Variants in TUBA4B observed in about 807,000 individuals in gnomAD.
TUBA4B encodes the protein tubulin alpha 4b, also known as tubulin-like protein alpha-4B.
A neutral mutation model predicts 18.4 loss-of-function variants in TUBA4B; 13 were observed. The ratio of observed to expected loss-of-function variants is 0.71; its 90% CI spans 0.46 to 1.12. The LOEUF is 1.12. Ranked by LOEUF, TUBA4B falls within the 50% of genes most tolerant of loss-of-function variation. TUBA4B has a pLI of 0.00. For missense variants in TUBA4B, 244 were observed against 250.0 expected, an observed-to-expected ratio of 0.98 and a Z score of 0.16; for synonymous variants, 101 against 99.1, an observed-to-expected ratio of 1.02 and a Z score of -0.11.
intron 1 of TUBA4B, among the ~76,000 whole-genome samples, chr2:219,264,245 A>C (rs1275363726): frequency 6.6e-6 from 1 of 152,212 alleles, no homozygotes; most frequent in Non-Finnish European, 1.5e-5. Flanking sequence ...AGATCACTTG[A>C]GGTCAGGAGT....
rs547160918 is a variant in TUBA4B, at chr2:219,271,292, G to T, written c.319G>T (p.Gly107Ter). 3.0e-5 allele frequency: 47 copies of T among 1,552,124 alleles called. No individual in the cohort carries two copies. The East Asian group carries it at 1.1e-3, about 35-fold the overall frequency. The change falls in exon 4 of 4, where the codon GGA (glycine) becomes TGA (stop). Residue 107 changes from glycine to a stop codon, truncating the protein, a stop_gained. Coordinates refer to ENST00000490341, the MANE Select transcript of TUBA4B (RefSeq NM_001355221.1). LOFTEE classifies it high-confidence loss of function. ...SVNYGKKSKL[G>*]FSIYPAPQVS... ...TAACTATGGCAAGAAATCCAAGCTG[G>T]GATTCTCCATCTACCCAGCCCCCCA...
At chr2:219,268,270 T>C (rs1406114122) in intron 2 of TUBA4B, among the ~76,000 whole-genome samples, 1 of 152,024 alleles carries the variant, frequency 6.6e-6, no homozygotes, top group Non-Finnish European at 1.5e-5. Context: ...CATTTTTGTA[T>C]TTTTAGTGGA....
intron 1 of TUBA4B, among the ~76,000 whole-genome samples, chr2:219,259,537 A>G (rs1480391454): frequency 6.6e-6 from 1 of 152,174 alleles, no homozygotes; most frequent in Non-Finnish European, 1.5e-5. Context: ...TACAGAATCT[A>G]GAAAATGCTA....
Position 219,271,268 on chromosome 2 carries a change from A to G in TUBA4B, c.295A>G (p.Asn99Asp), listed in dbSNP as rs766273254. 6.2e-6 allele frequency: 9 copies of G among 1,460,626 alleles called. No individual in the cohort carries two copies. Among genetic ancestry groups the G allele is most frequent in the African/African-American group, 1.4e-5 (1 of 71,768 alleles). The allele number at this position is 1,460,626 out of a possible 1,614,324, so 90.5% of individuals were successfully genotyped here. The part of the protein sequence containing the change: ...TSFLMEWLSV[N>D]YGKKSKLGFS... ...ATTCCTGATGGAGTGGCTTTCTGTT[A>G]ACTATGGCAAGAAATCCAAGCTGGG... The change falls in exon 4 of 4, where the codon AAC becomes GAC. Residue 99 changes from asparagine (N) to aspartate (D), a missense_variant. Transcript: ENST00000490341.
rs774209755 is a variant in TUBA4B, at chr2:219,271,630, G to C, written c.657G>C (p.Arg219Ser). Residue 219 changes from arginine to serine, a missense_variant, in exon 4 of 4, where the codon AGG becomes AGC. Arg to Ser is a moderately radical substitution (Grantham distance 110). Coordinates refer to ENST00000490341, the MANE Select transcript of TUBA4B (RefSeq NM_001355221.1). ...TGCACCAGTCATCTCTGCAGAAAAG[G>C]TATACCACGAGCAGCTGTTGGTGGC... ...PPMHQSSLQK[R>S]YTTSSCWWQR... The C allele has an allele frequency of 6.2e-6, 10 of 1,613,830 alleles. No homozygotes were observed. The highest frequency in any genetic ancestry group is 8.5e-6 in the Non-Finnish European group (10 of 1,179,874).
chr2:219,254,196 G>T (rs895171621), intron 1 of TUBA4B: 1 of 270,362 alleles, frequency 3.7e-6, no homozygotes, highest in Non-Finnish European at 7.0e-6. Flanking sequence ...GAGATGCAGG[G>T]TGCTGTGGCA....
intron 1 of TUBA4B, among the ~76,000 whole-genome samples, chr2:219,256,469 T>C (rs984136986): frequency 6.6e-6 from 1 of 152,214 alleles, no homozygotes; most frequent in Non-Finnish European, 1.5e-5. Context: ...GTCAGAAGAA[T>C]TGTTTCACTT....
chr2:219,253,946 T>TC, intron 1 of TUBA4B: 20 of 754,312 alleles, frequency 2.7e-5, no homozygotes, highest in Non-Finnish European at 3.7e-5. Context: ...ACCGCCCTTA[T>TC]AGGCGGGGGG....
At chr2:219,256,626 C>A (rs1327740923) in intron 1 of TUBA4B, among the ~76,000 whole-genome samples, 3 of 152,142 alleles carry the variant, frequency 2.0e-5, no homozygotes, top group Non-Finnish European at 4.4e-5. Context: ...CCTGGATTAT[C>A]CCAGGTAGGC....
At chr2:219,265,142 T>C (rs1159443029) in intron 1 of TUBA4B, among the ~76,000 whole-genome samples, 2 of 152,148 alleles carry the variant, frequency 1.3e-5, no homozygotes, top group Admixed American at 1.3e-4. Context: ...CTGTGCACAC[T>C]CTGCCATGTG....
intron 1 of TUBA4B, among the ~76,000 whole-genome samples, chr2:219,262,716 A>G (rs1199881666): frequency 6.6e-6 from 1 of 151,982 alleles, no homozygotes; most frequent in Admixed American, 6.6e-5. Context: ...GAGTCGCATT[A>G]TGTTGCCCAG....
chr2:219,265,902 A>G (rs949666396), intron 1 of TUBA4B, among the ~76,000 whole-genome samples: 1 of 152,204 alleles, frequency 6.6e-6, no homozygotes, highest in African/African-American at 2.4e-5. Context: ...ACCTCGTAAT[A>G]CTACCTCTCC....
At chr2:219,266,619 G>A (rs2125076674) in intron 2 of TUBA4B, 53 bp downstream of exon 2, 2 of 701,140 alleles carry the variant, frequency 2.9e-6, no homozygotes, top group East Asian at 2.7e-5. Flanking sequence ...GGTCCCAGTG[G>A]GCCCAAGATA....
chr2:219,260,841 C>T (rs1355316921), intron 1 of TUBA4B, among the ~76,000 whole-genome samples: 1 of 152,182 alleles, frequency 6.6e-6, no homozygotes, highest in South Asian at 2.1e-4. Context: ...GGCTTGGTGG[C>T]GGGCACCTGT....
At chr2:219,256,068 G>A (rs952731201) in intron 1 of TUBA4B, among the ~76,000 whole-genome samples, 5 of 152,194 alleles carry the variant, frequency 3.3e-5, no homozygotes, top group Admixed American at 6.5e-5. Context: ...CATGGCAGTA[G>A]GTTGCAGACC....
Position 219,255,367 on chromosome 2 carries a change from T to C in TUBA4B, c.12+1948T>C, listed in dbSNP as rs112487459. Among the ~76,000 whole-genome samples the C allele has an allele frequency of 5.3e-3, 802 of 151,834 alleles. 11 individuals are homozygous for C. The highest frequency in any genetic ancestry group is 0.018 in the African/African-American group (752 of 41,392). ...GATTCTCCTGCCTCAGCCTCTGGAG[T>C]AGCTGGGATTACAGGCATGGATGCC... On this transcript the variant is annotated intron_variant, in intron 1 of 3. Transcript: ENST00000490341.
At chr2:219,259,267 C>T (rs923290685) in intron 1 of TUBA4B, among the ~76,000 whole-genome samples, 4 of 147,626 alleles carry the variant, frequency 2.7e-5, no homozygotes, top group Non-Finnish European at 5.9e-5. Context: ...TGTAGTGAGC[C>T]GAGAATGCGC....
chr2:219,266,590 G>C (rs959050732), intron 2 of TUBA4B, 24 bp downstream of exon 2: 1 of 702,738 alleles, frequency 1.4e-6, no homozygotes. Context: ...GCCTTGGGGG[G>C]ACTGAGCATG....
chr2:219,266,685 G>C (rs561260307), intron 2 of TUBA4B, 119 bp downstream of exon 2: 12 of 635,940 alleles, frequency 1.9e-5, no homozygotes, highest in South Asian at 1.4e-4. Flanking sequence ...AGTATGTGGC[G>C]AGGTGGGGAG....
Sources: allele counts gnomAD v4.1 joint callset (sites outside exome capture counted in the v4.1 genomes callset), GRCh38; gene constraint gnomAD v4.1.1; transcripts MANE v1.5; gene names NCBI Gene and HGNC (gene_info 2026-07-23, HGNC 2026-07-21).